The following SLC30A6 variants were observed in gnomAD, a reference collection of about 807,000 sequenced individuals.
SLC30A6 encodes the protein solute carrier family 30 member 6, also known as zinc transporter 6.
A neutral mutation model predicts 63.0 loss-of-function variants in SLC30A6; 55 were observed. The ratio of observed to expected loss-of-function variants is 0.87; its 90% CI spans 0.70 to 1.09. The LOEUF is 1.09. Ranked by LOEUF, SLC30A6 falls within the 50% of genes least tolerant of loss-of-function variation. SLC30A6 has a pLI of 0.00. For missense variants in SLC30A6, 587 were observed against 549.2 expected (o/e 1.07, Z -0.69); for synonymous variants, 224 against 186.1 (o/e 1.20, Z -1.66).
chr2:32,190,866 G>T (rs1004134160), intron 5 of SLC30A6, among the ~76,000 whole-genome samples: 7 of 152,214 alleles, frequency 4.6e-5, no homozygotes, highest in African/African-American at 1.4e-4. Context: ...CAAGTGATGT[G>T]CCTGCCTCGG....
At chr2:32,201,198 G>A (rs189164669) in intron 10 of SLC30A6, among the ~76,000 whole-genome samples, 1 of 152,296 alleles carries the variant, frequency 6.6e-6, no homozygotes, top group African/African-American at 2.4e-5. Context: ...CTAGGGCAAG[G>A]ATTGTGTCTC....
chr2:32,166,022 C>A, intron 1 of SLC30A6, 119 bp downstream of exon 1: 6 of 1,454,870 alleles, frequency 4.1e-6, no homozygotes, highest in South Asian at 2.3e-5. Flanking sequence ...GAGTTGAAGT[C>A]GGGCCCCTTG....
intron 5 of SLC30A6, among the ~76,000 whole-genome samples, chr2:32,191,776 T>C (rs1683343738): frequency 6.6e-6 from 1 of 152,034 alleles, no homozygotes; most frequent in Non-Finnish European, 1.5e-5. Flanking sequence ...TGTAGTCCCA[T>C]CTACTCGGGA....
At chr2:32,187,221 C>T (rs2148838706) in intron 5 of SLC30A6, 1 of 471,018 alleles carries the variant, frequency 2.1e-6, no homozygotes, top group South Asian at 1.5e-5. Context: ...AAATGATGCT[C>T]CTATCAAGAC....
intron 11 of SLC30A6, among the ~76,000 whole-genome samples, chr2:32,205,250 C>T (rs540168492): frequency 6.6e-6 from 1 of 152,192 alleles, no homozygotes; most frequent in Non-Finnish European, 1.5e-5. Flanking sequence ...GAAACCCTGT[C>T]TCTACTAAAA....
At chr2:32,193,768 C>G in intron 7 of SLC30A6, 121 bp from the exon 8 acceptor site, 1 of 702,036 alleles carries the variant, frequency 1.4e-6, no homozygotes. Context: ...TATCTGGAAA[C>G]ACCAAATCAT....
chr2:32,197,740 C>A lies in SLC30A6; in HGVS notation c.579C>A (p.Ile193=), dbSNP rs780041165. ...GAATTATTCCGGGACTTAGCAGTAT[C>A]TTCCTTCCCCGAATGAATCCATTTG... ...LCGIIPGLSS[I]FLPRMNPFVL... Residue 193 remains isoleucine (I), a synonymous_variant, in exon 10 of 14, where the codon ATC becomes ATA. Coordinates refer to ENST00000282587, the MANE Select transcript of SLC30A6 (RefSeq NM_017964.5). 1.1e-5 allele frequency: 17 copies of A among 1,613,998 alleles called. No homozygotes were observed. The highest frequency in any genetic ancestry group is 1.4e-5 in the Non-Finnish European group (17 of 1,180,014).
At position 32,182,743 on chromosome 2, in the gene SLC30A6, G is replaced by A. The variant is rs1246581384; in HGVS notation, c.219-1530G>A. ...ATGTGCATTTCCATCATTCAGGAAA[G>A]CAGCCAAATTAAGCCTGGAATGCCT... is the stretch of plus-strand genomic sequence containing the variant. On this transcript the variant is annotated intron_variant, in intron 4 of 13. Coordinates refer to ENST00000282587, the MANE Select transcript of SLC30A6 (RefSeq NM_017964.5). Among the ~76,000 whole-genome samples the A allele has an allele frequency of 2.0e-5, 3 of 152,144 alleles. No homozygotes were observed. In the East Asian group the frequency reaches 5.8e-4, roughly 29 times the overall value.
At chr2:32,206,168 C>T (rs1020095900) in intron 11 of SLC30A6, among the ~76,000 whole-genome samples, 3 of 151,088 alleles carry the variant, frequency 2.0e-5, no homozygotes, top group African/African-American at 4.9e-5. Flanking sequence ...AGTTTCCGGC[C>T]GGGCGCGGTG....
In SLC30A6 at chr2:32,171,176, G is replaced by A. The variant is rs527808026; in HGVS notation, c.4-111G>A. ...AGAATAAGTGCTTGATGTATATTGA[G>A]TACTTAATAAATATTGGTTATTTAT... is the stretch of plus-strand genomic sequence containing the variant. On this transcript the variant is annotated intron_variant, in intron 1 of 13. Transcript: ENST00000282587. 336 of 761,106 alleles carry A rather than the reference G, an allele frequency of 4.4e-4. 5 individuals carry two copies. In the Middle Eastern group the frequency reaches 7.3e-3, roughly 17 times the overall value. 47.1% of individuals were successfully genotyped at this position (761,106 alleles called of 1,614,324 possible).
Position 32,221,960 on chromosome 2 carries a change from T to C in SLC30A6, c.*1247T>C, listed in dbSNP as rs1453011431. 1 of 152,180 alleles carries C rather than the reference T, an allele frequency of 6.6e-6. No individual in the cohort carries two copies. The highest frequency in any genetic ancestry group is 6.6e-5 in the Admixed American group (1 of 15,260). 9.4% of individuals were successfully genotyped at this position (152,180 alleles called of 1,614,324 possible). On this transcript the variant is annotated 3_prime_UTR_variant, in exon 14 of 14. Transcript: ENST00000282587. ...AAAACACATGGAGTTCCATACATAA[T>C]ATGGAATTTGATGTCTTTTCAAGTT...
intron 13 of SLC30A6, among the ~76,000 whole-genome samples, chr2:32,211,736 G>A (rs1685272838): frequency 6.6e-6 from 1 of 152,066 alleles, no homozygotes; most frequent in Admixed American, 6.6e-5. Context: ...TCCTGCCTCA[G>A]CCTCCCGAGT....
At chr2:32,195,311 C>G (rs1350687149) in intron 8 of SLC30A6, among the ~76,000 whole-genome samples, 1 of 152,138 alleles carries the variant, frequency 6.6e-6, no homozygotes, top group African/African-American at 2.4e-5. Context: ...GGTGATCTGT[C>G]CACCTTGGCC....
intron 6 of SLC30A6, 24 bp downstream of exon 6, chr2:32,192,440 C>A: frequency 6.3e-7 from 1 of 1,588,622 alleles, no homozygotes; most frequent in Non-Finnish European, 8.6e-7. Flanking sequence ...GGATATTATT[C>A]TAAATCCCCC....
intron 1 of SLC30A6, among the ~76,000 whole-genome samples, chr2:32,166,369 A>T (rs941417514): frequency 6.6e-6 from 1 of 152,078 alleles, no homozygotes; most frequent in Non-Finnish European, 1.5e-5. Context: ...ACTTGGCTTT[A>T]CTAAATATTA....
chr2:32,185,429 A>G (rs1682716724), intron 5 of SLC30A6, among the ~76,000 whole-genome samples: 1 of 152,148 alleles, frequency 6.6e-6, no homozygotes, highest in African/African-American at 2.4e-5. Flanking sequence ...ATGTATTTAA[A>G]CATGAGTTCC....
At chr2:32,201,346 A>G (rs1260247526) in intron 10 of SLC30A6, among the ~76,000 whole-genome samples, 2 of 152,260 alleles carry the variant, frequency 1.3e-5, no homozygotes, top group Admixed American at 6.5e-5. Context: ...CAGTGTTACC[A>G]TAAAAAATTC....
Position 32,197,478 on chromosome 2 carries a change from T to TG in SLC30A6, c.545+87dup, listed in dbSNP as rs1159525510. 3 of 1,380,500 alleles carry TG rather than the reference T, an allele frequency of 2.2e-6. No individual in the cohort carries two copies. In the African/African-American group the frequency reaches 4.3e-5, roughly 20 times the overall value. 85.5% of individuals were successfully genotyped at this position (1,380,500 alleles called of 1,614,324 possible). A position where few individuals can be genotyped will look rare whatever the true frequency, so the allele number is the denominator to read the frequency against. ...TATCATGGGAACTTAAATTATTCGTTGCTGAGGTTACTACGTGAATCACAC... is the reference window on the plus strand; with the variant it reads ...TATCATGGGAACTTAAATTATTCGTTGGCTGAGGTTACTACGTGAATCACAC... On this transcript the variant is annotated intron_variant, in intron 9 of 13. Coordinates refer to ENST00000282587, the MANE Select transcript of SLC30A6 (RefSeq NM_017964.5).
chr2:32,217,103 G>C lies in SLC30A6; in HGVS notation c.886-3110G>C, dbSNP rs528287398. Among the ~76,000 whole-genome samples, 10 of 150,812 alleles carry C rather than the reference G, an allele frequency of 6.6e-5. No homozygotes were observed. The South Asian group carries it at 2.1e-3, about 32-fold the overall frequency. ...TGTAGAAACAGGGTTTCACCATGTT[G>C]GTCAGGCTGGTCTTGAACTCCTGAC... On this transcript the variant is annotated intron_variant, in intron 13 of 13. Coordinates refer to ENST00000282587, the MANE Select transcript of SLC30A6 (RefSeq NM_017964.5).
Sources: gnomAD v4.1 joint callset for allele counts (sites outside exome capture counted in the v4.1 genomes callset) on GRCh38, gnomAD v4.1.1 for gene constraint, MANE v1.5 for transcripts, NCBI Gene and HGNC (gene_info 2026-07-23, HGNC 2026-07-21) for gene names.